The following NRXN3 variants were observed in gnomAD, a reference collection of about 807,000 sequenced individuals.
NRXN3 encodes the protein neurexin 3, also known as neurexin III.
NRXN3 carries 32 observed loss-of-function variants against 137.6 expected under a neutral mutation model. That is an observed-to-expected ratio of 0.23 (90% CI 0.18 to 0.31). The LOEUF is 0.31. Among genes scored for constraint, NRXN3 ranks in the 10% least tolerant of loss-of-function variants. The probability of loss-of-function intolerance (pLI) is 1.00; values close to 1 mark genes in which losing one functional copy is unlikely to be tolerated. For missense variants in NRXN3, 1,574 were observed against 2,062.5 expected (o/e 0.76, Z 4.59); for synonymous variants, 798 against 784.5 (o/e 1.02, Z -0.29).
chr14:78,416,694 G>A (rs1016476893), intron 4 of NRXN3, among the ~76,000 whole-genome samples: 3 of 152,168 alleles, frequency 2.0e-5, no homozygotes, highest in South Asian at 2.1e-4. Flanking sequence ...CTCTAGCACC[G>A]AATTACACTC....
chr14:78,532,375 T>TTGTGTGTGTGTGTGTGTGTG (rs56788209), intron 4 of NRXN3, among the ~76,000 whole-genome samples: 1 of 138,586 alleles, frequency 7.2e-6, no homozygotes. Flanking sequence ...TGATGATATT[T>TTGTGTGTGTGTGTGTGTGTG]TGTGTGTGTG....
At chr14:78,303,446 T>C (rs2077063586) in intron 4 of NRXN3, among the ~76,000 whole-genome samples, 1 of 152,176 alleles carries the variant, frequency 6.6e-6, no homozygotes, top group African/African-American at 2.4e-5. Context: ...ACTCAAAATC[T>C]CTAATCCTCT....
chr14:79,420,183 G>T (rs2095555487), intron 15 of NRXN3, among the ~76,000 whole-genome samples: 1 of 152,084 alleles, frequency 6.6e-6, no homozygotes, highest in Non-Finnish European at 1.5e-5. Flanking sequence ...ATTCTTATTT[G>T]ATCCTCAGAA....
intron 8 of NRXN3, among the ~76,000 whole-genome samples, chr14:78,728,726 G>C (rs527961331): frequency 3.3e-4 from 50 of 152,030 alleles, no homozygotes; most frequent in African/African-American, 1.2e-3. Context: ...TGAAAACCCC[G>C]TCTCTACTAA....
rs144494895 is a variant in NRXN3, at chr14:78,794,606, T to TTGTG, written c.2045-8988_2045-8985dup. Among the ~76,000 whole-genome samples, 184 of 147,080 alleles carry TTGTG rather than the reference T, an allele frequency of 1.3e-3. 1 individual carries two copies. Among genetic ancestry groups the TTGTG allele is most frequent in the African/African-American group, 3.5e-3 (141 of 40,314 alleles). ...CCTCTAAAGAGTTTGTCTATTCTAT[T>TTGTG]TGTGTGTGTGTGTGTGTGTGTGTGT... On this transcript the variant is annotated intron_variant, in intron 8 of 20. Coordinates refer to ENST00000335750, the MANE Select transcript of NRXN3 (RefSeq NM_001330195.2).
intron 10 of NRXN3, among the ~76,000 whole-genome samples, chr14:78,826,904 T>C (rs555331405): frequency 6.6e-6 from 1 of 152,314 alleles, no homozygotes; most frequent in Non-Finnish European, 1.5e-5. Context: ...TTCTGGCCAA[T>C]AGATACATGC....
intron 4 of NRXN3, among the ~76,000 whole-genome samples, chr14:78,638,115 A>G (rs1390801520): frequency 3.3e-5 from 5 of 152,022 alleles, no homozygotes; most frequent in South Asian, 2.1e-4. Context: ...TTGATTTACT[A>G]TTTTCCTTCT....
At chr14:78,936,550 G>A (rs2099339594) in intron 10 of NRXN3, among the ~76,000 whole-genome samples, 1 of 152,186 alleles carries the variant, frequency 6.6e-6, no homozygotes, top group South Asian at 2.1e-4. Flanking sequence ...GGAGTACAAA[G>A]AGCCATGAGA....
chr14:78,702,680 G>A (rs1292835503), intron 6 of NRXN3, among the ~76,000 whole-genome samples: 1 of 152,100 alleles, frequency 6.6e-6, no homozygotes, highest in Non-Finnish European at 1.5e-5. Flanking sequence ...CTGGCCTCAA[G>A]TGATCCACCT....
chr14:78,253,022 C>A (rs1018250761), intron 2 of NRXN3, among the ~76,000 whole-genome samples: 1 of 152,080 alleles, frequency 6.6e-6, no homozygotes, highest in African/African-American at 2.4e-5. Context: ...GCATGGTTAG[C>A]CTTGAGAGTT....
chr14:79,488,611 T>G (rs1258858614), intron 16 of NRXN3, among the ~76,000 whole-genome samples: 1 of 151,998 alleles, frequency 6.6e-6, no homozygotes, highest in Non-Finnish European at 1.5e-5. Context: ...CCACAACAAA[T>G]GATGGTGATA....
chr14:78,840,451 T>A (rs766580345), intron 10 of NRXN3, among the ~76,000 whole-genome samples: 6 of 152,168 alleles, frequency 3.9e-5, no homozygotes, highest in Non-Finnish European at 8.8e-5. Flanking sequence ...TCAAAACAAA[T>A]CTAGAATACT....
chr14:79,633,633 AT>A (rs2098379052), intron 16 of NRXN3, among the ~76,000 whole-genome samples: 1 of 152,208 alleles, frequency 6.6e-6, no homozygotes, highest in Non-Finnish European at 1.5e-5. Flanking sequence ...CTGCTCTTGG[AT>A]TCAAGAACTT....
intron 15 of NRXN3, among the ~76,000 whole-genome samples, chr14:79,224,754 C>T (rs1249554939): frequency 1.3e-5 from 2 of 152,050 alleles, no homozygotes; most frequent in African/African-American, 2.4e-5. Context: ...CAGAGGAGAA[C>T]ATTGTGTGCA....
At chr14:78,186,500 T>C (rs2060240614) in intron 1 of NRXN3, among the ~76,000 whole-genome samples, 1 of 152,258 alleles carries the variant, frequency 6.6e-6, no homozygotes, top group Admixed American at 6.5e-5. Context: ...AGGGATCTGA[T>C]GTCTTCAGAA....
intron 14 of NRXN3, among the ~76,000 whole-genome samples, chr14:78,983,052 T>A (rs539855213): frequency 6.6e-6 from 1 of 152,258 alleles, no homozygotes; most frequent in Non-Finnish European, 1.5e-5. Context: ...ACATCACTCA[T>A]CTTTGGGAAA....
At chr14:79,582,735 A>G (rs562886708) in intron 16 of NRXN3, among the ~76,000 whole-genome samples, 29 of 152,300 alleles carry the variant, frequency 1.9e-4, no homozygotes, top group African/African-American at 5.3e-4. Flanking sequence ...ACAAATTAAT[A>G]TTAGCACTTG....
At chr14:78,998,482 C>T (rs1240053409) in intron 15 of NRXN3, among the ~76,000 whole-genome samples, 1 of 152,142 alleles carries the variant, frequency 6.6e-6, no homozygotes, top group African/African-American at 2.4e-5. Flanking sequence ...AGTCAAAGAA[C>T]CTTCTTGGCC....
intron 4 of NRXN3, among the ~76,000 whole-genome samples, chr14:78,601,041 G>GATCTGGCC (rs2097197690): frequency 1.3e-5 from 2 of 152,128 alleles, no homozygotes; most frequent in South Asian, 4.1e-4. Context: ...CTAGTTCAGG[G>GATCTGGCC]TTTCATCACC....
Sources: allele counts gnomAD v4.1 joint callset (sites outside exome capture counted in the v4.1 genomes callset), GRCh38; gene constraint gnomAD v4.1.1; transcripts MANE v1.5; gene names NCBI Gene and HGNC (gene_info 2026-07-23, HGNC 2026-07-21).